Variants in CHL1 observed in about 807,000 individuals in gnomAD.
CHL1 encodes cell adhesion molecule L1 like.
In CHL1, 96 loss-of-function variants were observed where a neutral mutation model predicts 141.9. The observed-to-expected ratio is 0.68, with a 90% CI of 0.57 to 0.80. The LOEUF is 0.80. Ranked by LOEUF, CHL1 falls within the 30% of genes least tolerant of loss-of-function variation. The pLI is 0.00. For missense variants in CHL1, 1,820 were observed against 1,457.2 expected (o/e 1.25, Z -4.05); for synonymous variants, 613 against 502.2 (o/e 1.22, Z -2.95).
In CHL1 at chr3:349,417, A is replaced by G. The variant is rs13060847; in HGVS notation, c.907A>G (p.Thr303Ala). The part of the protein sequence containing the change: ...IGGDLPKGRE[T>A]KENYGKTLKI... ...TGGTGACTTACCAAAGGGGAGAGAA[A>G]CAAAAGAAAATTATGGCAAGACTTT... The change falls in exon 10 of 28, where the codon ACA (threonine) becomes GCA (alanine). Residue 303 changes from threonine (T) to alanine (A), a missense_variant. By Grantham distance (58) the Thr-to-Ala change is moderately conservative. Coordinates refer to ENST00000256509, the MANE Select transcript of CHL1 (RefSeq NM_006614.4). 0.97 allele frequency: 1,570,110 copies of G among 1,613,914 alleles called. 772,889 individuals carry two copies. Among genetic ancestry groups the G allele is most frequent in the East Asian group, 1 (44,876 of 44,876 alleles).
At chr3:355,312 C>A (rs1703615667) in intron 11 of CHL1, among the ~76,000 whole-genome samples, 1 of 152,126 alleles carries the variant, frequency 6.6e-6, no homozygotes, top group African/African-American at 2.4e-5. Context: ...CTATTTGCTA[C>A]CAACCTCAAG....
At chr3:347,775 C>A (rs1266454966) in intron 9 of CHL1, among the ~76,000 whole-genome samples, 1 of 152,170 alleles carries the variant, frequency 6.6e-6, no homozygotes, top group East Asian at 1.9e-4. Flanking sequence ...AGAAAGCCAG[C>A]AGCTAATATG....
chr3:201,216 G>T (rs923446245), intron 1 of CHL1, among the ~76,000 whole-genome samples: 5 of 152,110 alleles, frequency 3.3e-5, no homozygotes, highest in African/African-American at 1.2e-4. Flanking sequence ...GCCATTTCTG[G>T]TATATTTATC....
intron 27 of CHL1, among the ~76,000 whole-genome samples, chr3:403,407 G>C (rs932275011): frequency 2.6e-5 from 4 of 152,032 alleles, no homozygotes; most frequent in African/African-American, 9.7e-5. Flanking sequence ...AATTCCATGA[G>C]GCAATGATCA....
At chr3:348,913 GCTGA>G (rs1445680727) in intron 9 of CHL1, among the ~76,000 whole-genome samples, 1 of 152,208 alleles carries the variant, frequency 6.6e-6, no homozygotes, top group Non-Finnish European at 1.5e-5. Flanking sequence ...ACTTCTCTCT[GCTGA>G]CTGTTAAGTC....
At chr3:199,266 G>A (rs1442611704) in intron 1 of CHL1, among the ~76,000 whole-genome samples, 2 of 152,184 alleles carry the variant, frequency 1.3e-5, no homozygotes, top group South Asian at 2.1e-4. Context: ...GTTATTACTG[G>A]ATGGGTGTGA....
chr3:361,100 G>A (rs922530458), intron 12 of CHL1, among the ~76,000 whole-genome samples: 6 of 151,942 alleles, frequency 3.9e-5, no homozygotes, highest in Non-Finnish European at 8.8e-5. Flanking sequence ...TGACAAACCT[G>A]AGAAAAACAA....
intron 1 of CHL1, among the ~76,000 whole-genome samples, chr3:211,854 A>T (rs1699931496): frequency 6.6e-6 from 1 of 152,224 alleles, no homozygotes; most frequent in Non-Finnish European, 1.5e-5. Context: ...ATTTAATTTG[A>T]TACTTGCAGT....
chr3:292,377 A>G (rs2125345689), intron 2 of CHL1, among the ~76,000 whole-genome samples: 1 of 152,310 alleles, frequency 6.6e-6, no homozygotes, highest in East Asian at 1.9e-4. Context: ...ATTTCCTTTT[A>G]GTATTTTTAC....
chr3:352,618 C>A (rs547381084), intron 10 of CHL1, among the ~76,000 whole-genome samples: 11 of 152,212 alleles, frequency 7.2e-5, no homozygotes, highest in Admixed American at 7.2e-4. Flanking sequence ...TTTTAAGGCT[C>A]AAGAAGCAGC....
At chr3:391,944 T>C (rs901043663) in intron 23 of CHL1, 147 bp downstream of exon 23, 5 of 609,778 alleles carry the variant, frequency 8.2e-6, no homozygotes, top group Non-Finnish European at 1.3e-5. Flanking sequence ...GTCTGTAAAC[T>C]GGCTTGCAGG....
intron 13 of CHL1, among the ~76,000 whole-genome samples, 185 bp from the exon 14 acceptor site, chr3:363,032 A>G (rs1049846695): frequency 6.6e-6 from 1 of 152,208 alleles, no homozygotes; most frequent in African/African-American, 2.4e-5. Flanking sequence ...GCCACAGTCT[A>G]TTTGGGTAGA....
rs543751606 is a variant in CHL1 at position 275,671 on chromosome 3, A to G, written c.-95+30979A>G. On this transcript the variant is annotated intron_variant, in intron 2 of 27. Coordinates refer to ENST00000256509, the MANE Select transcript of CHL1 (RefSeq NM_006614.4). ...TGTTTGGCCTTTTTTCCAAGAGTCT[A>G]ACTTCATATATTCATGAGAATTTTG... 3.4e-3 allele frequency among the ~76,000 whole-genome samples: 512 copies of G among 152,332 alleles called. 2 individuals carry two copies. Among genetic ancestry groups the G allele is most frequent in the African/African-American group, 0.012 (490 of 41,590 alleles).
Position 361,704 on chromosome 3 carries a change from C to T in CHL1, c.1312C>T (p.Arg438Cys), listed in dbSNP as rs771129031. ...ANANIDVVDV[R>C]PLIQTKDGEN... is the part of the protein sequence containing the mutation. ...TTTATGTTATTTTCAAATAGATGTC[C>T]GTCCATTGATACAAACCAAAGATGG... is the stretch of plus-strand genomic sequence containing the variant. Residue 438 changes from arginine to cysteine, a missense_variant, in exon 13 of 28, where the codon CGT (arginine) becomes TGT (cysteine). Physicochemically the swap from Arg to Cys is radical, Grantham distance 180. Coordinates refer to ENST00000256509, the MANE Select transcript of CHL1 (RefSeq NM_006614.4). The T allele has an allele frequency of 1.9e-5, 30 of 1,605,132 alleles. No homozygotes were observed. The East Asian group carries it at 2.2e-4, about 12-fold the overall frequency.
chr3:219,033 C>A (rs1312321900), intron 1 of CHL1, among the ~76,000 whole-genome samples: 2 of 150,840 alleles, frequency 1.3e-5, no homozygotes, highest in African/African-American at 4.9e-5. Context: ...CCTGTAGTCC[C>A]AGCTACTCCA....
intron 2 of CHL1, among the ~76,000 whole-genome samples, chr3:257,204 A>T (rs185685698): frequency 1.4e-4 from 22 of 152,344 alleles, no homozygotes; most frequent in African/African-American, 5.0e-4. Context: ...ATATAATTAA[A>T]TAATAAACTT....
chr3:240,810 A>G lies in CHL1; in HGVS notation c.-174-3803A>G, dbSNP rs546589393. 2.0e-5 allele frequency among the ~76,000 whole-genome samples: 3 copies of G among 152,192 alleles called. No individual in the cohort carries two copies. The East Asian group carries it at 5.8e-4, about 29-fold the overall frequency. ...TGAGGATCCAGTTTCATTCTCCTAC[A>G]TGTGGCTTGCGAATTATCGCAGCAT... On this transcript the variant is annotated intron_variant, in intron 1 of 27. Coordinates refer to ENST00000256509, the MANE Select transcript of CHL1 (RefSeq NM_006614.4).
At chr3:242,322 C>T (rs34933429) in intron 1 of CHL1, among the ~76,000 whole-genome samples, 65,490 of 136,460 alleles carry the variant, frequency 0.48, 14,689 homozygotes, top group South Asian at 0.62. Flanking sequence ...ACTGGCTGAG[C>T]GCGGTGGCTC....
chr3:286,265 G>A (rs957308876), intron 2 of CHL1, among the ~76,000 whole-genome samples: 7 of 152,180 alleles, frequency 4.6e-5, no homozygotes, highest in African/African-American at 7.2e-5. Context: ...CTTGGATCTC[G>A]CACAAGAAAG....
Sources: allele counts gnomAD v4.1 joint callset (sites outside exome capture counted in the v4.1 genomes callset), GRCh38; gene constraint gnomAD v4.1.1; transcripts MANE v1.5; gene names NCBI Gene and HGNC (gene_info 2026-07-23, HGNC 2026-07-21).